Variants in FMN1 observed in about 807,000 individuals in gnomAD.
The protein encoded by FMN1 is formin 1, also known as formin-1.
FMN1 carries 110 observed loss-of-function variants against 132.4 expected under a neutral mutation model. The observed-to-expected ratio is 0.83, with a 90% confidence interval of 0.71 to 0.97. The LOEUF is 0.97. Among genes scored for constraint, FMN1 ranks in the 50% least tolerant of loss-of-function variants. The probability of loss-of-function intolerance (pLI) is 0.00; values close to 1 mark genes in which losing one functional copy is unlikely to be tolerated. For missense variants in FMN1, 1,792 were observed against 1,705.3 expected, an observed-to-expected ratio of 1.05 and a Z score of -0.90; for synonymous variants, 722 against 651.7, an observed-to-expected ratio of 1.11 and a Z score of -1.64.
intron 17 of FMN1, among the ~76,000 whole-genome samples, chr15:32,806,516 C>A (rs1001494379): frequency 6.6e-6 from 1 of 152,206 alleles, no homozygotes; most frequent in Non-Finnish European, 1.5e-5. Flanking sequence ...TGTAAAGGCT[C>A]CCCTGCTCAA....
intron 17 of FMN1, among the ~76,000 whole-genome samples, chr15:32,838,871 C>T (rs549997018): frequency 2.0e-5 from 3 of 152,272 alleles, no homozygotes; most frequent in Middle Eastern, 3.4e-3. Context: ...GAAGAAATCT[C>T]GAGAGCCCAG....
chr15:33,039,105 G>C (rs541903539), intron 6 of FMN1, among the ~76,000 whole-genome samples: 3 of 152,200 alleles, frequency 2.0e-5, no homozygotes, highest in South Asian at 2.1e-4. Context: ...AAACAATATA[G>C]TAAGATTTAA....
At chr15:32,842,675 TGAAA>T (rs911793714) in intron 17 of FMN1, among the ~76,000 whole-genome samples, 12 of 152,236 alleles carry the variant, frequency 7.9e-5, no homozygotes, top group African/African-American at 2.6e-4. Flanking sequence ...TGTACTAGTA[TGAAA>T]GAAAGACCCA....
chr15:32,773,147 G>C lies in FMN1; in HGVS notation c.*1163C>G, dbSNP rs1267588663. ...TTTCCTTATGTGACTCAAGAGCCAG[G>C]GTCAGAAAGAGCTGCCTGTGAACAA... On this transcript the variant is annotated 3_prime_UTR_variant, in exon 21 of 21. Transcript: ENST00000616417. The C allele has an allele frequency of 1.3e-5, 2 of 152,122 alleles. No homozygotes were observed. The highest frequency in any genetic ancestry group is 1.3e-4 in the Admixed American group (2 of 15,270). The allele number at this position is 152,122 out of a possible 1,614,324, so 9.4% of individuals were successfully genotyped here.
intron 12 of FMN1, among the ~76,000 whole-genome samples, chr15:32,905,590 C>A (rs565825891): frequency 2.6e-5 from 4 of 152,148 alleles, no homozygotes; most frequent in East Asian, 3.8e-4. Context: ...ACAGATGACA[C>A]CTCTGTGGGC....
At position 32,823,152 on chromosome 15, in the gene FMN1, GTTT is replaced by G. The variant is rs373185751; in HGVS notation, c.3929-18823_3929-18821del. On this transcript the variant is annotated intron_variant, in intron 17 of 20. Coordinates refer to ENST00000616417, the MANE Select transcript of FMN1 (RefSeq NM_001277313.2). ...GTCTCAAAGACAGAGAGTTTCTACT[GTTT>G]TTTTTTTTTTTTTTTTTTTTTTTTG... Among the ~76,000 whole-genome samples, 250 of 86,136 alleles carry G rather than the reference GTTT, an allele frequency of 2.9e-3. 1 individual carries two copies. Among genetic ancestry groups the G allele is most frequent in the African/African-American group, 0.01 (188 of 18,694 alleles). 56.5% of individuals were successfully genotyped at this position (86,136 alleles called of 152,430 possible). A position where few individuals can be genotyped will look rare whatever the true frequency, so the allele number is the denominator to read the frequency against.
intron 5 of FMN1, among the ~76,000 whole-genome samples, chr15:33,069,129 C>G (rs888133595): frequency 6.6e-6 from 1 of 152,164 alleles, no homozygotes; most frequent in Non-Finnish European, 1.5e-5. Context: ...TATCACAGAC[C>G]CAATTTGCCT....
At chr15:33,017,347 A>C (rs2035112296) in intron 6 of FMN1, among the ~76,000 whole-genome samples, 1 of 152,228 alleles carries the variant, frequency 6.6e-6, no homozygotes. Flanking sequence ...CAACTGTAAC[A>C]AATGTACCAC....
intron 4 of FMN1, among the ~76,000 whole-genome samples, chr15:33,119,899 A>T (rs1962392753): frequency 6.6e-6 from 1 of 152,184 alleles, no homozygotes; most frequent in Admixed American, 6.5e-5. Flanking sequence ...AATTATCTTA[A>T]TGAGACTTTG....
chr15:33,155,286 T>C (rs1964627931), intron 3 of FMN1, among the ~76,000 whole-genome samples: 1 of 151,780 alleles, frequency 6.6e-6, no homozygotes. Context: ...AGGACAAAAG[T>C]TCCCTTTCCC....
At chr15:33,098,050 T>C (rs538023378) in intron 4 of FMN1, among the ~76,000 whole-genome samples, 1 of 152,334 alleles carries the variant, frequency 6.6e-6, no homozygotes, top group South Asian at 2.1e-4. Flanking sequence ...ATATGAAATA[T>C]ATTCATTGGC....
intron 3 of FMN1, among the ~76,000 whole-genome samples, chr15:33,169,740 CTTTTTTT>C (rs57083437): frequency 8.5e-6 from 1 of 117,910 alleles, no homozygotes; most frequent in Non-Finnish European, 1.8e-5. Context: ...TTTTCTTTTC[CTTTTTTT>C]TTTTTTTTTT....
At chr15:33,001,653 T>C (rs2034121547) in intron 7 of FMN1, among the ~76,000 whole-genome samples, 3 of 137,736 alleles carry the variant, frequency 2.2e-5, no homozygotes, top group Non-Finnish European at 4.7e-5. Flanking sequence ...GTTGAGGACA[T>C]ATTTGGGACA....
intron 9 of FMN1, among the ~76,000 whole-genome samples, chr15:32,953,039 T>G (rs2061688291): frequency 6.6e-6 from 1 of 152,182 alleles, no homozygotes; most frequent in African/African-American, 2.4e-5. Context: ...CCCACTCACA[T>G]GTAAGGGGCT....
intron 10 of FMN1, among the ~76,000 whole-genome samples, chr15:32,918,632 A>G (rs2060742749): frequency 6.6e-6 from 1 of 152,180 alleles, no homozygotes; most frequent in African/African-American, 2.4e-5. Flanking sequence ...CAAACCTCAA[A>G]GAAGGGCACA....
chr15:32,781,230 T>C (rs2056653533), intron 19 of FMN1, among the ~76,000 whole-genome samples: 1 of 152,216 alleles, frequency 6.6e-6, no homozygotes, highest in African/African-American at 2.4e-5. Flanking sequence ...CTCAGACATT[T>C]AAAAAATATG....
At chr15:32,979,509 TTG>T (rs999215629) in intron 7 of FMN1, among the ~76,000 whole-genome samples, 2 of 146,758 alleles carry the variant, frequency 1.4e-5, no homozygotes, top group African/African-American at 2.6e-5. Flanking sequence ...TGAGCGGAGA[TTG>T]TGCCATTGCA....
At chr15:33,035,597 T>C (rs2036154345) in intron 6 of FMN1, among the ~76,000 whole-genome samples, 1 of 152,164 alleles carries the variant, frequency 6.6e-6, no homozygotes, top group African/African-American at 2.4e-5. Context: ...TCTTATTTGG[T>C]TGCTCAAATG....
At chr15:32,900,253 C>T in intron 13 of FMN1, 128 bp from the exon 14 acceptor site, 2 of 987,982 alleles carry the variant, frequency 2.0e-6, no homozygotes, top group Non-Finnish European at 3.1e-6. Flanking sequence ...TTAACAGTTG[C>T]TGAAATGAAA....
Sources: gnomAD v4.1 joint callset for allele counts (sites outside exome capture counted in the v4.1 genomes callset) on GRCh38, gnomAD v4.1.1 for gene constraint, MANE v1.5 for transcripts, NCBI Gene and HGNC (gene_info 2026-07-23, HGNC 2026-07-21) for gene names.